The following MTFR1 variants were observed in gnomAD, a reference collection of about 807,000 sequenced individuals.
MTFR1 encodes chondrocyte protein with a poly-proline region.
MTFR1 carries 28 observed loss-of-function variants against 38.8 expected under a neutral mutation model. The ratio of observed to expected loss-of-function variants is 0.72; its 90% confidence interval spans 0.53 to 0.99. MTFR1 has a LOEUF of 0.99. Ranked by LOEUF, MTFR1 falls within the 50% of genes least tolerant of loss-of-function variation. MTFR1 has a pLI of 0.00. For synonymous variants in MTFR1, 145 were observed against 137.0 expected, an observed-to-expected ratio of 1.06 and a Z score of -0.41; for missense variants, 358 against 395.5, an observed-to-expected ratio of 0.91 and a Z score of 0.81.
At chr8:65,728,747 G>T (rs1315559826) in intron 3 of MTFR1, 1 of 152,068 alleles carries the variant, frequency 6.6e-6, no homozygotes, top group Non-Finnish European at 1.5e-5. Context: ...ATGCAAAGGG[G>T]TTACATTCTT....
chr8:65,663,393 T>C (rs192498257), intron 1 of MTFR1, among the ~76,000 whole-genome samples: 28,876 of 151,462 alleles, frequency 0.19, 2,913 homozygotes, highest in Middle Eastern at 0.23. Flanking sequence ...ACAAACACTG[T>C]GGAAGGCCGC....
In MTFR1 at chr8:65,670,004, G is replaced by A; in HGVS notation, c.52G>A (p.Val18Ile). The change falls in exon 2 of 8, where the codon GTA becomes ATA. Residue 18 changes from valine to isoleucine, a missense_variant. Transcript: ENST00000262146. Reference protein sequence around the residue: ...LIRMVFQQVGVSMQSVLWSRK... With the variant: ...LIRMVFQQVGISMQSVLWSRK... ...TAGGATGGTTTTTCAACAAGTTGGA[G>A]TAAGCATGCAATCGGTGAGTGCTCA... 1 of 1,604,936 alleles carries A rather than the reference G, an allele frequency of 6.2e-7. No individual in the cohort carries two copies. The highest frequency in any genetic ancestry group is 1.1e-5 in the South Asian group (1 of 88,186).
At chr8:65,650,210 CTTT>C (rs768949769) in intron 1 of MTFR1, among the ~76,000 whole-genome samples, 116 of 114,622 alleles carry the variant, frequency 1.0e-3, no homozygotes, top group Non-Finnish European at 1.4e-3. Flanking sequence ...TCCTTATACT[CTTT>C]TTTTTTTTTT....
intron 1 of MTFR1, among the ~76,000 whole-genome samples, chr8:65,645,010 G>A (rs988773364): frequency 1.3e-5 from 2 of 152,342 alleles, no homozygotes; most frequent in Non-Finnish European, 2.9e-5. Context: ...GGGCTCCGGA[G>A]GAGCTGAGGG....
At chr8:65,761,951 T>C (rs534095349) in intron 3 of MTFR1, among the ~76,000 whole-genome samples, 1 of 152,290 alleles carries the variant, frequency 6.6e-6, no homozygotes, top group East Asian at 1.9e-4. Context: ...ACAACCGATG[T>C]CACAAAAGAG....
chr8:65,764,986 G>A (rs1454505322), intron 3 of MTFR1, among the ~76,000 whole-genome samples: 2 of 152,150 alleles, frequency 1.3e-5, no homozygotes, highest in Non-Finnish European at 2.9e-5. Context: ...CTAACTGTAG[G>A]AGATACACAG....
intron 1 of MTFR1, among the ~76,000 whole-genome samples, chr8:65,658,918 TA>T (rs1252415154): frequency 6.6e-6 from 1 of 152,004 alleles, no homozygotes; most frequent in African/African-American, 2.4e-5. Context: ...TGTAAGAGAA[TA>T]AGCAAGCAGA....
At chr8:65,658,484 C>T (rs1809326505) in intron 1 of MTFR1, among the ~76,000 whole-genome samples, 1 of 152,192 alleles carries the variant, frequency 6.6e-6, no homozygotes, top group Admixed American at 6.5e-5. Flanking sequence ...GGTTTCTCTT[C>T]TACCAGCTGC....
At position 65,765,261 on chromosome 8, in the gene MTFR1, G is replaced by A. The variant is rs553433946; in HGVS notation, c.*49-5686G>A. Among the ~76,000 whole-genome samples the A allele has an allele frequency of 1.4e-3, 217 of 151,708 alleles. 8 individuals are homozygous for A. The South Asian group carries it at 0.044, about 31-fold the overall frequency. ...TCCCAGCACTTTGGGAGGCCGAGGCGGGCGGATCACGAGGTCAGGAGATCG... is the reference window on the plus strand; with the variant it reads ...TCCCAGCACTTTGGGAGGCCGAGGCAGGCGGATCACGAGGTCAGGAGATCG... On this transcript the variant is annotated intron_variant, in intron 3 of 3. Coordinates refer to the MTFR1 transcript ENST00000521247.
chr8:65,676,490 A>T lies in MTFR1; in HGVS notation c.67-5863A>T, dbSNP rs1413977987. ...GTGATTCTCCTGCCTCAGCCTCCTG[A>T]GTAGCTGGGATTACAGGTGCCCGCC... On this transcript the variant is annotated intron_variant, in intron 2 of 7. Coordinates refer to ENST00000262146, the MANE Select transcript of MTFR1 (RefSeq NM_014637.4). Among the ~76,000 whole-genome samples, 3 of 152,028 alleles carry T rather than the reference A, an allele frequency of 2.0e-5. No individual in the cohort carries two copies. The East Asian group carries it at 5.8e-4, about 29-fold the overall frequency.
intron 3 of MTFR1, chr8:65,745,265 T>C: frequency 3.1e-6 from 2 of 646,804 alleles, no homozygotes; most frequent in Middle Eastern, 2.4e-4. Flanking sequence ...TTATCAGCAG[T>C]GTGAAAATGG....
intron 3 of MTFR1, chr8:65,745,388 A>T: frequency 7.1e-7 from 1 of 1,410,648 alleles, no homozygotes; most frequent in Non-Finnish European, 1.0e-6. Context: ...AACTTGAGCA[A>T]GTCAAATTCT....
At chr8:65,768,891 C>G (rs1808932710) in intron 3 of MTFR1, among the ~76,000 whole-genome samples, 1 of 152,044 alleles carries the variant, frequency 6.6e-6, no homozygotes, top group South Asian at 2.1e-4. Flanking sequence ...CATCAGAAAA[C>G]TTCTTTAGTG....
intron 3 of MTFR1, among the ~76,000 whole-genome samples, chr8:65,728,829 T>A (rs1354049494): frequency 6.6e-6 from 1 of 152,192 alleles, no homozygotes; most frequent in Non-Finnish European, 1.5e-5. Context: ...AATTAATGTA[T>A]GACTGCACAT....
In MTFR1 at chr8:65,770,069, C is replaced by G. The variant is rs146312614; in HGVS notation, c.*49-878C>G. On this transcript the variant is annotated intron_variant, in intron 3 of 3. Transcript: ENST00000521247. ...AAAAATAAATAGTATAAAGAACACTCTATTCTCAGATATGCATTGTTAACA... is the reference window on the plus strand; with the variant it reads ...AAAAATAAATAGTATAAAGAACACTGTATTCTCAGATATGCATTGTTAACA... Among the ~76,000 whole-genome samples the G allele has an allele frequency of 5.8e-3, 878 of 152,056 alleles. 8 individuals carry two copies. Among genetic ancestry groups the G allele is most frequent in the Non-Finnish European group, 1.0e-2 (677 of 67,996 alleles).
intron 3 of MTFR1, among the ~76,000 whole-genome samples, chr8:65,725,889 AGT>A (rs937816466): frequency 1.3e-5 from 2 of 152,186 alleles, no homozygotes; most frequent in Non-Finnish European, 2.9e-5. Context: ...TTACATATAC[AGT>A]GTGTTTAAGC....
Position 65,709,281 on chromosome 8 carries a change from C to A in MTFR1, c.*237C>A. 2.3e-6 allele frequency: 1 copy of A among 434,810 alleles called. No individual in the cohort carries two copies. The highest frequency in any genetic ancestry group is 4.6e-5 in the South Asian group (1 of 21,870). The allele number at this position is 434,810 out of a possible 1,614,324, so 26.9% of individuals were successfully genotyped here. A position where few individuals can be genotyped will look rare whatever the true frequency, so the allele number is the denominator to read the frequency against. The stretch of plus-strand genomic sequence containing the variant: ...GTTCTGACATGTTTCTAATATGTGG[C>A]CAGGGCGTTCAGATTTCCAGTTTTG... On this transcript the variant is annotated 3_prime_UTR_variant, in exon 8 of 8. Coordinates refer to ENST00000262146, the MANE Select transcript of MTFR1 (RefSeq NM_014637.4).
In MTFR1 at chr8:65,697,174, G is replaced by A. The variant is rs751542717; in HGVS notation, c.281+3415G>A. Among the ~76,000 whole-genome samples the A allele has an allele frequency of 2.6e-5, 4 of 151,574 alleles. 1 individual carries two copies. Among genetic ancestry groups the A allele is most frequent in the South Asian group, 4.2e-4 (2 of 4,782 alleles). On this transcript the variant is annotated intron_variant, in intron 4 of 7. Coordinates refer to ENST00000262146, the MANE Select transcript of MTFR1 (RefSeq NM_014637.4). Reference sequence around the variant, plus strand: ...TAATTTTTGTATTTTTAGTAGAGACGGAGTTTCACCATGTTGGCCAGGCTA... The same window carrying A: ...TAATTTTTGTATTTTTAGTAGAGACAGAGTTTCACCATGTTGGCCAGGCTA...
At chr8:65,713,245 A>G (rs1266031324), downstream of MTFR1, among the ~76,000 whole-genome samples, 1 of 152,208 alleles carries the variant, frequency 6.6e-6, no homozygotes, top group Non-Finnish European at 1.5e-5. Context: ...GTTCAAGACC[A>G]GCCTGGCCAA....
Sources: gnomAD v4.1 joint callset for allele counts (sites outside exome capture counted in the v4.1 genomes callset) on GRCh38, gnomAD v4.1.1 for gene constraint, MANE v1.5 for transcripts, NCBI Gene and HGNC (gene_info 2026-07-23, HGNC 2026-07-21) for gene names.